Variants in GTF3C1 observed in about 807,000 individuals in gnomAD.
The protein encoded by GTF3C1 is general transcription factor 3C polypeptide 1.
Under a neutral mutation model 226.7 loss-of-function variants are expected in GTF3C1, and 57 were observed. That is an observed-to-expected ratio of 0.25 (90% CI 0.20 to 0.31). GTF3C1 has a LOEUF of 0.31. GTF3C1 is among the 10% of genes least tolerant of loss of function. The probability of loss-of-function intolerance (pLI) is 1.00; values close to 1 mark genes in which losing one functional copy is unlikely to be tolerated. For synonymous variants in GTF3C1, 1,090 were observed against 1,084.8 expected (o/e 1.00, Z -0.09); for missense variants, 2,217 against 2,776.1 (o/e 0.80, Z 4.53).
At chr16:27,521,882 G>C (rs1353633550) in intron 6 of GTF3C1, among the ~76,000 whole-genome samples, 1 of 151,278 alleles carries the variant, frequency 6.6e-6, no homozygotes, top group Non-Finnish European at 1.5e-5. Flanking sequence ...TTCTAATCTT[G>C]ATTCTTTTTA....
chr16:27,498,748 T>C lies in GTF3C1; in HGVS notation c.2062-15A>G. On this transcript the variant is annotated splice_polypyrimidine_tract_variant and intron_variant, in intron 12 of 36. Transcript: ENST00000356183. ...ACCAGATCCACCTGGAGAGAGAGGT[T>C]GGAGCATCCCACAGGGTGAGGGAAG... 1 of 1,316,606 alleles carries C rather than the reference T, an allele frequency of 7.6e-7. No homozygotes were observed. The allele number at this position is 1,316,606 out of a possible 1,614,324, so 81.6% of individuals were successfully genotyped here.
chr16:27,484,719 C>G (rs2088109171), intron 24 of GTF3C1, among the ~76,000 whole-genome samples: 2 of 152,344 alleles, frequency 1.3e-5, no homozygotes, highest in Non-Finnish European at 1.5e-5. Context: ...AATTATGCAT[C>G]ATGTGTGCTC....
At position 27,532,483 on chromosome 16, in the gene GTF3C1, G is replaced by A. The variant is rs1270321355; in HGVS notation, c.849+808C>T. The stretch of plus-strand genomic sequence containing the variant: ...ATGTTGTTTTCCTCCCATCTCTAAC[G>A]TTGGCTCTTTCCTGACTTGCACTGA... On this transcript the variant is annotated intron_variant, in intron 5 of 36. Transcript: ENST00000356183. Among the ~76,000 whole-genome samples, 4 of 152,170 alleles carry A rather than the reference G, an allele frequency of 2.6e-5. No homozygotes were observed. The South Asian group carries it at 6.2e-4, about 24-fold the overall frequency.
Position 27,511,783 on chromosome 16 carries a change from G to C in GTF3C1, c.1092C>G (p.Phe364Leu). ...SKTVPPVDIV[F>L]ERDMLTQTYD... ...AGGTCTGTGTGAGCATATCCCGCTC[G>C]AACACAATGTCCACTGGAGGCACTG... The change falls in exon 7 of 37, where the codon TTC becomes TTG. Residue 364 changes from phenylalanine to leucine, a missense_variant. Physicochemically the swap from Phe to Leu is conservative, Grantham distance 22. Coordinates refer to ENST00000356183, the MANE Select transcript of GTF3C1 (RefSeq NM_001520.4). 1 of 1,614,134 alleles carries C rather than the reference G, an allele frequency of 6.2e-7. No homozygotes were observed. Among genetic ancestry groups the C allele is most frequent in the Non-Finnish European group, 8.5e-7 (1 of 1,180,030 alleles).
At chr16:27,481,250 T>A in intron 26 of GTF3C1, 59 bp from the exon 27 acceptor site, 2 of 1,411,436 alleles carry the variant, frequency 1.4e-6, no homozygotes, top group Non-Finnish European at 2.0e-6. Context: ...GAGGTTTTGC[T>A]AAGATGCACC....
chr16:27,510,497 C>T (rs979861472), intron 7 of GTF3C1, among the ~76,000 whole-genome samples: 2 of 152,018 alleles, frequency 1.3e-5, no homozygotes, highest in Non-Finnish European at 2.9e-5. Flanking sequence ...GCGGAGGCTG[C>T]AGTGAACTGA....
chr16:27,530,508 C>G (rs764428224), intron 5 of GTF3C1, among the ~76,000 whole-genome samples: 2 of 152,150 alleles, frequency 1.3e-5, no homozygotes, highest in African/African-American at 4.8e-5. Context: ...CCAAATCCCC[C>G]CAAAAGGCAG....
intron 32 of GTF3C1, among the ~76,000 whole-genome samples, chr16:27,468,618 T>A (rs901642882): frequency 6.6e-6 from 1 of 151,162 alleles, no homozygotes; most frequent in Non-Finnish European, 1.5e-5. Flanking sequence ...AAAAATAGGC[T>A]TGGTGTGGTG....
chr16:27,478,501 T>C lies in GTF3C1; in HGVS notation c.4227A>G (p.Lys1409=). ...GTTCATCCTCTTTCCTGGTTTGATC[T>C]TTTTCATCCCCAATTGCCAAAACTC... ...RYRVLAIGDE[K]DQTRKEDELN... is the part of the protein sequence containing the mutation. Residue 1409 remains lysine, a synonymous_variant, in exon 28 of 37, where the codon AAA becomes AAG. Transcript: ENST00000356183. 6.2e-7 allele frequency: 1 copy of C among 1,611,700 alleles called. No individual in the cohort carries two copies. Among genetic ancestry groups the C allele is most frequent in the Non-Finnish European group, 8.5e-7 (1 of 1,177,774 alleles).
intron 6 of GTF3C1, among the ~76,000 whole-genome samples, chr16:27,512,220 A>G (rs1194288423): frequency 6.6e-6 from 1 of 152,190 alleles, no homozygotes; most frequent in East Asian, 1.9e-4. Context: ...CTCCATGACA[A>G]CAGGAGACGC....
chr16:27,483,146 G>A (rs374160843), intron 25 of GTF3C1, 21 bp from the exon 26 acceptor site: 14 of 1,610,020 alleles, frequency 8.7e-6, no homozygotes, highest in Non-Finnish European at 9.3e-6. Context: ...AGGAGACAAA[G>A]CTGAAGTCTG....
chr16:27,539,004 C>CTTTT (rs899984965), intron 2 of GTF3C1, among the ~76,000 whole-genome samples: 3 of 103,914 alleles, frequency 2.9e-5, no homozygotes, highest in Non-Finnish European at 3.9e-5. Flanking sequence ...ACACACTCAT[C>CTTTT]TTTTTTTTTT....
chr16:27,545,272 C>G (rs774666987), intron 2 of GTF3C1, 42 bp downstream of exon 2: 3 of 1,431,332 alleles, frequency 2.1e-6, no homozygotes, highest in Admixed American at 1.7e-5. Flanking sequence ...CCACCGTACC[C>G]GGCCAGATTC....
At position 27,492,863 on chromosome 16, in the gene GTF3C1, A is replaced by T; in HGVS notation, c.2877-150T>A. 1.6e-6 allele frequency: 1 copy of T among 639,696 alleles called. No homozygotes were observed. Among genetic ancestry groups the T allele is most frequent in the Non-Finnish European group, 2.8e-6 (1 of 355,918 alleles). 39.6% of individuals were successfully genotyped at this position (639,696 alleles called of 1,614,324 possible). The stretch of plus-strand genomic sequence containing the variant: ...CCAGCCTCAAGCCCACACTGCACTA[A>T]GGCCCAGAACTACCCAACCTAACAC... On this transcript the variant is annotated intron_variant, in intron 17 of 36. Transcript: ENST00000356183. The surrounding 1 kb of genome is among the most constrained non-coding windows in gnomAD (Gnocchi z 5.0).
intron 4 of GTF3C1, among the ~76,000 whole-genome samples, chr16:27,536,408 C>T (rs905512896): frequency 6.6e-6 from 1 of 152,162 alleles, no homozygotes; most frequent in Non-Finnish European, 1.5e-5. Context: ...GCCTGGCCAA[C>T]ATGGCAAAAC....
chr16:27,501,436 C>G, intron 11 of GTF3C1, 92 bp from the exon 12 acceptor site: 2 of 1,138,614 alleles, frequency 1.8e-6, no homozygotes, highest in Non-Finnish European at 2.6e-6. Context: ...TCACGGTACC[C>G]AATAGAAACA....
Position 27,461,427 on chromosome 16 carries a change from G to A in GTF3C1, c.6253C>T (p.Pro2085Ser). The A allele has an allele frequency of 6.2e-7, 1 of 1,613,990 alleles. No individual in the cohort carries two copies. Among genetic ancestry groups the A allele is most frequent in the Non-Finnish European group, 8.5e-7 (1 of 1,179,914 alleles). The change falls in exon 37 of 37, where the codon CCC (proline) becomes TCC (serine). Residue 2085 changes from proline to serine, a missense_variant. Physicochemically the swap from Pro to Ser is moderately conservative, Grantham distance 74 (BLOSUM62 -1). This residue lies in a region of GTF3C1 where 153 missense variants were observed against 199.8 expected (regional missense o/e 0.77). Transcript: ENST00000356183. The surrounding 1 kb of genome is among the most constrained non-coding windows in gnomAD (Gnocchi z 5.3). ...AGCCGGAGGGTACAGTCCAAGGTGG[G>A]CTCATAGAAAGCCATGGGGCTCTCG... ...LDESPMAFYE[P>S]TLDCTLRLGR... is the part of the protein sequence containing the mutation.
At position 27,485,975 on chromosome 16, in the gene GTF3C1, G is replaced by A. The variant is rs771302061; in HGVS notation, c.3858+22C>T. On this transcript the variant is annotated intron_variant, in intron 24 of 36. Transcript: ENST00000356183. Reference sequence around the variant, plus strand: ...GCTCCGAGTGAGGGGCAGGCCCACCGCTGGGCTGGGCTGGTTGGTACCTTG... The same window carrying A: ...GCTCCGAGTGAGGGGCAGGCCCACCACTGGGCTGGGCTGGTTGGTACCTTG... 1.3e-5 allele frequency: 20 copies of A among 1,545,834 alleles called. No individual in the cohort carries two copies. The Admixed American group carries it at 1.8e-4, about 14-fold the overall frequency.
At chr16:27,539,717 G>A (rs2089054222) in intron 2 of GTF3C1, among the ~76,000 whole-genome samples, 2 of 152,172 alleles carry the variant, frequency 1.3e-5, no homozygotes, top group South Asian at 2.1e-4. Flanking sequence ...TCTTTAAGAG[G>A]TGATTAGGCC....
Sources: allele counts gnomAD v4.1 joint callset (sites outside exome capture counted in the v4.1 genomes callset), GRCh38; gene constraint gnomAD v4.1.1; regional missense constraint gnomAD v4.1.1; non-coding constraint Gnocchi (gnomAD v3.1); transcripts MANE v1.5; gene names NCBI Gene and HGNC (gene_info 2026-07-23, HGNC 2026-07-21).